ZNF316: variants seen among roughly 807,000 people sequenced by gnomAD.
ZNF316 encodes zinc finger protein 316.
A neutral mutation model predicts 75.6 loss-of-function variants in ZNF316; 23 were observed. The ratio of observed to expected loss-of-function variants is 0.30; its 90% CI spans 0.22 to 0.43. ZNF316 has a LOEUF of 0.43. Ranked by LOEUF, ZNF316 falls within the 20% of genes least tolerant of loss-of-function variation. The pLI, the probability that ZNF316 is intolerant of heterozygous loss-of-function variation, is 1.00. For synonymous variants in ZNF316, 827 were observed against 666.2 expected (o/e 1.24, Z -3.72); for missense variants, 1,266 against 1,409.4 (o/e 0.90, Z 1.63).
At chr7:6,648,347 T>C (rs2115315333) in intron 8 of ZNF316, among the ~76,000 whole-genome samples, 2 of 152,232 alleles carry the variant, frequency 1.3e-5, no homozygotes, top group Middle Eastern at 6.8e-3. Flanking sequence ...GGTGGGGATC[T>C]GTGGCCACCA....
At position 6,654,501 on chromosome 7, in the gene ZNF316, G is replaced by C; in HGVS notation, c.2905G>C (p.Gly969Arg). 2 of 1,177,646 alleles carry C rather than the reference G, an allele frequency of 1.7e-6. No individual in the cohort carries two copies. The highest frequency in any genetic ancestry group is 1.6e-5 in the African/African-American group (1 of 62,028). 72.9% of individuals were successfully genotyped at this position (1,177,646 alleles called of 1,614,324 possible). ...CAAGGGGCCGTCCAGTGCCGGCCCC[G>C]GTGAGCGCGGCAGCGCCCTGCTGGA... ...AAKGPSSAGP[G>R]ERGSALLEFA... is the part of the protein sequence containing the mutation. The change falls in exon 9 of 9, where the codon GGT becomes CGT. Residue 969 changes from glycine (G) to arginine (R), a missense_variant. Physicochemically the swap from Gly to Arg is moderately radical, Grantham distance 125. Coordinates refer to ENST00000382252, the MANE Select transcript of ZNF316 (RefSeq NM_001278559.2).
chr7:6,642,756 A>C lies in ZNF316; in HGVS notation c.347A>C (p.Gln116Pro), dbSNP rs1779333437. ...RGGDAKSPVLQEKGLQASRAP... is the reference protein window; with the variant it reads ...RGGDAKSPVLPEKGLQASRAP... ...GGTGATGCCAAGTCCCCAGTTCTTC[A>C]GGAAAAGGGTAAGAAAAGCAGCCAG... Residue 116 changes from glutamine (Q) to proline (P), a missense_variant, in exon 5 of 9, where the codon CAG becomes CCG. Physicochemically the swap from Gln to Pro is moderately conservative, Grantham distance 76. Around this residue, in one of 3 missense-constraint regions of ZNF316, gnomAD observed 961 missense variants for 990.9 expected, o/e 0.97. Coordinates refer to ENST00000382252, the MANE Select transcript of ZNF316 (RefSeq NM_001278559.2). This position sits in a 1 kb window ranked among gnomAD's most constrained non-coding sequence, Gnocchi z 8.1. 1 of 1,233,430 alleles carries C rather than the reference A, an allele frequency of 8.1e-7. No homozygotes were observed. The highest frequency in any genetic ancestry group is 4.1e-5 in the South Asian group (1 of 24,486). The allele number at this position is 1,233,430 out of a possible 1,614,324, so 76.4% of individuals were successfully genotyped here. A position where few individuals can be genotyped will look rare whatever the true frequency, so the allele number is the denominator to read the frequency against.
At position 6,640,092 on chromosome 7, in the gene ZNF316, A is replaced by C. The variant is rs1326898542; in HGVS notation, c.-167+951A>C. On this transcript the variant is annotated intron_variant, in intron 3 of 8. Transcript: ENST00000382252. This position sits in a 1 kb window ranked among gnomAD's most constrained non-coding sequence, Gnocchi z 5.1. ...TGGCTTCTGGATGCCTGTGTGTCCC[A>C]GCCTTTGACTTGGGTGAGCCTGTGT... 6.6e-6 allele frequency among the ~76,000 whole-genome samples: 1 copy of C among 152,286 alleles called. No individual in the cohort carries two copies. Among genetic ancestry groups the C allele is most frequent in the East Asian group, 1.9e-4 (1 of 5,186 alleles).
intron 8 of ZNF316, among the ~76,000 whole-genome samples, chr7:6,648,554 T>A (rs376226722): frequency 6.6e-6 from 1 of 152,284 alleles, no homozygotes; most frequent in South Asian, 2.1e-4. Flanking sequence ...GTGCATTTCA[T>A]CCTGGCAGCA....
chr7:6,643,806 G>C lies in ZNF316; in HGVS notation c.466-16G>C, dbSNP rs1226174594. 8.1e-7 allele frequency: 1 copy of C among 1,234,424 alleles called. No homozygotes were observed. Among genetic ancestry groups the C allele is most frequent in the Non-Finnish European group, 1.0e-6 (1 of 989,384 alleles). 76.5% of individuals were successfully genotyped at this position (1,234,424 alleles called of 1,614,324 possible). A position where few individuals can be genotyped will look rare whatever the true frequency, so the allele number is the denominator to read the frequency against. Reference sequence around the variant, plus strand: ...AGGGCTCCCTCAGCCTCTCACCTGAGGCTCTGTTTCCCCAGGAGCTGGTGA... The same window carrying C: ...AGGGCTCCCTCAGCCTCTCACCTGACGCTCTGTTTCCCCAGGAGCTGGTGA... On this transcript the variant is annotated splice_polypyrimidine_tract_variant and intron_variant, in intron 6 of 8. Transcript: ENST00000382252.
chr7:6,644,633 T>G, intron 8 of ZNF316, 40 bp downstream of exon 8: 2 of 1,140,102 alleles, frequency 1.8e-6, no homozygotes, highest in Non-Finnish European at 2.2e-6. Context: ...GCCGATAGCT[T>G]CTCAGAGCTG....
chr7:6,647,995 T>C (rs371880219), intron 8 of ZNF316, among the ~76,000 whole-genome samples: 5 of 152,110 alleles, frequency 3.3e-5, no homozygotes, highest in African/African-American at 1.2e-4. Context: ...GCTGGGGACA[T>C]TGGTTGGCCC....
At chr7:6,646,211 G>T (rs1256785298) in intron 8 of ZNF316, among the ~76,000 whole-genome samples, 6 of 152,124 alleles carry the variant, frequency 3.9e-5, no homozygotes, top group African/African-American at 1.4e-4. Flanking sequence ...CATTGTAGGA[G>T]GCCCTTCGTG....
In ZNF316 at chr7:6,639,838, C is replaced by T. The variant is rs1230650278; in HGVS notation, c.-167+697C>T. Among the ~76,000 whole-genome samples, 1 of 152,184 alleles carries T rather than the reference C, an allele frequency of 6.6e-6. No individual in the cohort carries two copies. The highest frequency in any genetic ancestry group is 1.9e-4 in the East Asian group (1 of 5,192). ...TGAGTGCTGGGCAGGGCCGTGTCCT[C>T]CTGGAGGTGGCTAGCATAACACGCA... On this transcript the variant is annotated intron_variant, in intron 3 of 8. Transcript: ENST00000382252. This position sits in a 1 kb window ranked among gnomAD's most constrained non-coding sequence, Gnocchi z 4.2.
chr7:6,642,391 A>C lies in ZNF316; in HGVS notation c.-19A>C. 1 of 1,231,546 alleles carries C rather than the reference A, an allele frequency of 8.1e-7. No homozygotes were observed. Among genetic ancestry groups the C allele is most frequent in the Non-Finnish European group, 1.0e-6 (1 of 987,532 alleles). 76.3% of individuals were successfully genotyped at this position (1,231,546 alleles called of 1,614,324 possible). A position where few individuals can be genotyped will look rare whatever the true frequency, so the allele number is the denominator to read the frequency against. On this transcript the variant is annotated 5_prime_UTR_variant, in exon 5 of 9. Transcript: ENST00000382252. The surrounding 1 kb of genome is among the most constrained non-coding windows in gnomAD (Gnocchi z 8.1). The stretch of plus-strand genomic sequence containing the variant: ...TCCATCTGCATTTCAGGCCACGTGG[A>C]GGCTCGCTCCCAGGGAGGATGGCGG...
intron 8 of ZNF316, among the ~76,000 whole-genome samples, chr7:6,651,063 T>C (rs1436396299): frequency 1.3e-5 from 2 of 152,116 alleles, no homozygotes; most frequent in African/African-American, 4.8e-5. Flanking sequence ...AGCTTAGAGC[T>C]GACAGGCCGG....
rs1328637959 is a variant in ZNF316, at chr7:6,653,579, C to T, written c.1983C>T (p.Gly661=). 5 of 1,088,096 alleles carry T rather than the reference C, an allele frequency of 4.6e-6. No individual in the cohort carries two copies. Among genetic ancestry groups the T allele is most frequent in the Non-Finnish European group, 5.6e-6 (5 of 895,476 alleles). The allele number at this position is 1,088,096 out of a possible 1,614,324, so 67.4% of individuals were successfully genotyped here. ...TCGGCGGCGGCGGGGCCGCGGGCGG[C>T]GGAGGCGGCCTGCGCGCGTTCGGGC... ...DPFGGGGAAG[G]GGGLRAFGPA... Residue 661 remains glycine, a synonymous_variant, in exon 9 of 9, where the codon GGC becomes GGT. Coordinates refer to ENST00000382252, the MANE Select transcript of ZNF316 (RefSeq NM_001278559.2).
In ZNF316 at chr7:6,657,112, G is replaced by C. The variant is rs1779641455; in HGVS notation, c.*2501G>C. Among the ~76,000 whole-genome samples the C allele has an allele frequency of 6.6e-6, 1 of 152,050 alleles. No individual in the cohort carries two copies. Among genetic ancestry groups the C allele is most frequent in the African/African-American group, 2.4e-5 (1 of 41,406 alleles). On this transcript the variant is annotated 3_prime_UTR_variant, in exon 9 of 9. Coordinates refer to ENST00000382252, the MANE Select transcript of ZNF316 (RefSeq NM_001278559.2). ...AGGTTCAAGCGATTCTCCTGCCTCA[G>C]ACTGCCGAGTAGCTGGGATTACAGG...
At chr7:6,641,626 G>C (rs1583439802) in intron 3 of ZNF316, among the ~76,000 whole-genome samples, 199 bp from the exon 4 acceptor site, 1 of 152,258 alleles carries the variant, frequency 6.6e-6, no homozygotes, top group Non-Finnish European at 1.5e-5. Context: ...GTAGGACGCT[G>C]TAGCCTCTAG....
chr7:6,641,374 C>T (rs1180147497), intron 3 of ZNF316, among the ~76,000 whole-genome samples: 3 of 152,208 alleles, frequency 2.0e-5, no homozygotes, highest in South Asian at 2.1e-4. Flanking sequence ...GTAATGGGCC[C>T]GGTCTCAGGT....
Position 6,653,264 on chromosome 7 carries a change from A to G in ZNF316, c.1668A>G (p.Arg556=). 6 of 1,227,174 alleles carry G rather than the reference A, an allele frequency of 4.9e-6. No homozygotes were observed. The highest frequency in any genetic ancestry group is 5.1e-6 in the Non-Finnish European group (5 of 985,742). 76.0% of individuals were successfully genotyped at this position (1,227,174 alleles called of 1,614,324 possible). ...AGGCGGAGGCCGCGGCCGAGGAGAG[A>G]GAGGAGGCGGCGGTGGCGGCGCCCA... ...DGEAEAAAEE[R]EEAAVAAPTP... The change falls in exon 9 of 9, where the codon AGA becomes AGG. Residue 556 remains arginine (R), a synonymous_variant. Transcript: ENST00000382252.
In ZNF316 at chr7:6,637,892, G is replaced by C. The variant is rs1187948250; in HGVS notation, c.-384G>C. The C allele has an allele frequency of 6.6e-6, 1 of 152,296 alleles. No homozygotes were observed. The highest frequency in any genetic ancestry group is 1.5e-5 in the Non-Finnish European group (1 of 68,172). 9.4% of individuals were successfully genotyped at this position (152,296 alleles called of 1,614,324 possible). ...TCCGGACGCCCCCTGGGGGGCGGGAGGCGCTCGGCCCGTCGCCCCAGGAGC... is the reference window on the plus strand; with the variant it reads ...TCCGGACGCCCCCTGGGGGGCGGGACGCGCTCGGCCCGTCGCCCCAGGAGC... On this transcript the variant is annotated 5_prime_UTR_variant, in exon 2 of 9. Transcript: ENST00000382252. This position sits in a 1 kb window ranked among gnomAD's most constrained non-coding sequence, Gnocchi z 6.2.
chr7:6,638,477 C>T (rs1047107730), intron 2 of ZNF316, among the ~76,000 whole-genome samples: 2 of 152,202 alleles, frequency 1.3e-5, no homozygotes, highest in Admixed American at 1.3e-4. Context: ...AGTTGGGTTT[C>T]CCTGGCTTTG....
chr7:6,653,583 G>GCC lies in ZNF316; in HGVS notation c.1987_1988insCC (p.Gly663AlafsTer129). 1 of 1,080,878 alleles carries GCC rather than the reference G, an allele frequency of 9.3e-7. No homozygotes were observed. Among genetic ancestry groups the GCC allele is most frequent in the Non-Finnish European group, 1.1e-6 (1 of 890,626 alleles). The allele number at this position is 1,080,878 out of a possible 1,614,324, so 67.0% of individuals were successfully genotyped here. On this transcript the variant is annotated frameshift_variant, in exon 9 of 9. Coordinates refer to ENST00000382252, the MANE Select transcript of ZNF316 (RefSeq NM_001278559.2). LOFTEE classifies it high-confidence loss of function. Reference sequence around the variant, plus strand: ...CGGCGGCGGGGCCGCGGGCGGCGGAGGCGGCCTGCGCGCGTTCGGGCCCGC... The same window carrying GCC: ...CGGCGGCGGGGCCGCGGGCGGCGGAGCCGCGGCCTGCGCGCGTTCGGGCCCGC...
Sources: allele counts gnomAD v4.1 joint callset (sites outside exome capture counted in the v4.1 genomes callset), GRCh38; gene constraint gnomAD v4.1.1; regional missense constraint gnomAD v4.1.1; non-coding constraint Gnocchi (gnomAD v3.1); transcripts MANE v1.5; gene names NCBI Gene and HGNC (gene_info 2026-07-23, HGNC 2026-07-21).